Variants in UMAD1 observed in about 807,000 individuals in gnomAD.
UMAD1 encodes UBAP1-MVB12-associated (UMA)-domain containing protein 1.
In UMAD1, 8 loss-of-function variants were observed where a neutral mutation model predicts 6.1. That is an observed-to-expected ratio of 1.30 (90% CI 0.76 to 2.35). The LOEUF is 2.35. UMAD1 is among the 30% of genes most tolerant of loss of function. The probability of loss-of-function intolerance (pLI) is 0.00; values close to 1 mark genes in which losing one functional copy is unlikely to be tolerated. For synonymous variants in UMAD1, 56 were observed against 31.4 expected, an observed-to-expected ratio of 1.78 and a Z score of -2.61; for missense variants, 130 against 78.4, an observed-to-expected ratio of 1.66 and a Z score of -2.49.
At chr7:7,798,126 A>G (rs1391322935) in intron 2 of UMAD1, among the ~76,000 whole-genome samples, 2 of 152,226 alleles carry the variant, frequency 1.3e-5, no homozygotes, top group Non-Finnish European at 2.9e-5. Context: ...CATATTTTCT[A>G]TGACTGCTTG....
intron 3 of UMAD1, among the ~76,000 whole-genome samples, chr7:7,807,713 G>A (rs908666310): frequency 1.3e-5 from 2 of 152,060 alleles, no homozygotes; most frequent in Non-Finnish European, 1.5e-5. Context: ...ATGGAAAACA[G>A]CGTATTTGTA....
At chr7:7,787,495 A>C (rs1782482952) in intron 2 of UMAD1, among the ~76,000 whole-genome samples, 1 of 152,246 alleles carries the variant, frequency 6.6e-6, no homozygotes. Flanking sequence ...AAAATACAGC[A>C]TTGAATACAA....
At chr7:7,790,003 AT>A (rs1278590227) in intron 2 of UMAD1, among the ~76,000 whole-genome samples, 1 of 152,038 alleles carries the variant, frequency 6.6e-6, no homozygotes, top group Non-Finnish European at 1.5e-5. Flanking sequence ...AGAGTTATTT[AT>A]TTTTTACGTA....
At chr7:7,768,600 C>A (rs1309832267) in intron 2 of UMAD1, among the ~76,000 whole-genome samples, 1 of 152,146 alleles carries the variant, frequency 6.6e-6, no homozygotes, top group Non-Finnish European at 1.5e-5. Context: ...TTGCTGCCTT[C>A]AATGTCGTGC....
intron 2 of UMAD1, among the ~76,000 whole-genome samples, chr7:7,761,646 A>G (rs898472940): frequency 5.3e-5 from 8 of 152,212 alleles, no homozygotes; most frequent in Non-Finnish European, 1.2e-4. Flanking sequence ...ACATTAATAG[A>G]ACTAGAACTT....
chr7:7,708,428 G>A (rs937960811), intron 2 of UMAD1, among the ~76,000 whole-genome samples: 1 of 152,112 alleles, frequency 6.6e-6, no homozygotes, highest in African/African-American at 2.4e-5. Context: ...CCAAGTGTCA[G>A]TGACCCTTAT....
intron 1 of UMAD1, among the ~76,000 whole-genome samples, chr7:7,667,654 A>T (rs138276367): frequency 6.0e-4 from 91 of 152,330 alleles, no homozygotes; most frequent in African/African-American, 2.0e-3. Context: ...CAGGTAGTAA[A>T]TGTCTTCACA....
intron 2 of UMAD1, among the ~76,000 whole-genome samples, chr7:7,706,244 A>C (rs1355560436): frequency 2.0e-5 from 3 of 152,168 alleles, no homozygotes; most frequent in Non-Finnish European, 4.4e-5. Context: ...CTGAGATGAA[A>C]AAAATCATCA....
rs184764791 is a variant in UMAD1, at chr7:7,870,472, C to T, written c.157-6809C>T. 7.2e-5 allele frequency among the ~76,000 whole-genome samples: 11 copies of T among 152,238 alleles called. No individual in the cohort carries two copies. The East Asian group carries it at 2.1e-3, about 29-fold the overall frequency. On this transcript the variant is annotated intron_variant, in intron 3 of 3. Transcript: ENST00000682710. ...GTTAATTGAGTCTTTTCTTCTTGCT[C>T]TATTGTGGTTAACATACTAATTCTT...
intron 2 of UMAD1, among the ~76,000 whole-genome samples, chr7:7,676,687 A>G (rs1294307467): frequency 6.6e-6 from 1 of 152,152 alleles, no homozygotes; most frequent in East Asian, 1.9e-4. Flanking sequence ...TTACTATTTA[A>G]TAGTTTAAAT....
chr7:7,683,669 C>T (rs1023509101), intron 2 of UMAD1, among the ~76,000 whole-genome samples: 1 of 151,686 alleles, frequency 6.6e-6, no homozygotes, highest in Admixed American at 6.6e-5. Context: ...GTTGCCCAGG[C>T]TGGAGTGCAG....
chr7:7,771,391 G>C (rs557266163), intron 2 of UMAD1, among the ~76,000 whole-genome samples: 1 of 152,276 alleles, frequency 6.6e-6, no homozygotes, highest in South Asian at 2.1e-4. Flanking sequence ...TGGCAAAGCT[G>C]ATGGTTAGGG....
At chr7:7,746,087 G>A (rs536798111) in intron 2 of UMAD1, among the ~76,000 whole-genome samples, 1 of 152,268 alleles carries the variant, frequency 6.6e-6, no homozygotes, top group African/African-American at 2.4e-5. Context: ...GCATAGTACT[G>A]TTAAACCTTG....
At chr7:7,806,856 A>G (rs922077256) in intron 3 of UMAD1, among the ~76,000 whole-genome samples, 14 of 152,226 alleles carry the variant, frequency 9.2e-5, no homozygotes, top group Non-Finnish European at 1.8e-4. Context: ...TAACGAGAAC[A>G]TAATTAGTAA....
chr7:7,657,620 G>T (rs188886023), intron 1 of UMAD1, among the ~76,000 whole-genome samples: 1 of 152,202 alleles, frequency 6.6e-6, no homozygotes, highest in African/African-American at 2.4e-5. Flanking sequence ...TCAGATGGTT[G>T]TAGATGTGTG....
intron 3 of UMAD1, among the ~76,000 whole-genome samples, chr7:7,843,459 C>A (rs1276295191): frequency 6.6e-6 from 1 of 152,114 alleles, no homozygotes; most frequent in Non-Finnish European, 1.5e-5. Flanking sequence ...GCTTTGTGTA[C>A]CTCCCTGTTT....
intron 3 of UMAD1, among the ~76,000 whole-genome samples, chr7:7,845,233 A>G (rs1783761325): frequency 6.6e-6 from 1 of 152,050 alleles, no homozygotes; most frequent in African/African-American, 2.4e-5. Flanking sequence ...ATTGGGTTAA[A>G]TAAAATATAT....
chr7:7,861,749 C>T (rs76885938), intron 3 of UMAD1, among the ~76,000 whole-genome samples: 3,718 of 152,276 alleles, frequency 0.024, 65 homozygotes, highest in South Asian at 0.061. Flanking sequence ...GGCTTTTCTT[C>T]TCCAATATTT....
chr7:7,877,682 T>G lies in UMAD1; in HGVS notation c.*144T>G. ...GAAAATAGCATTATGTTCACTACTCTATTTTTAAGAAAAAGGTACATTTGT... is the reference window on the plus strand; with the variant it reads ...GAAAATAGCATTATGTTCACTACTCGATTTTTAAGAAAAAGGTACATTTGT... On this transcript the variant is annotated 3_prime_UTR_variant, in exon 4 of 4. Coordinates refer to ENST00000682710, the MANE Select transcript of UMAD1 (RefSeq NM_001302348.2). 1.7e-6 allele frequency: 1 copy of G among 592,658 alleles called. No homozygotes were observed. Among genetic ancestry groups the G allele is most frequent in the Non-Finnish European group, 3.0e-6 (1 of 331,770 alleles). 36.7% of individuals were successfully genotyped at this position (592,658 alleles called of 1,614,324 possible).
Sources: allele counts gnomAD v4.1 joint callset (sites outside exome capture counted in the v4.1 genomes callset), GRCh38; gene constraint gnomAD v4.1.1; transcripts MANE v1.5; gene names NCBI Gene and HGNC (gene_info 2026-07-23, HGNC 2026-07-21).